NFIB: variants seen among roughly 807,000 people sequenced by gnomAD.
NFIB encodes the protein nuclear factor I B.
Under a neutral mutation model 61.5 loss-of-function variants are expected in NFIB, and 11 were observed. The observed-to-expected ratio is 0.18, with a 90% CI of 0.11 to 0.30. NFIB has a LOEUF of 0.30. NFIB is among the 10% of genes least tolerant of loss of function. The pLI, the probability that NFIB is intolerant of heterozygous loss-of-function variation, is 1.00. For synonymous variants in NFIB, 260 were observed against 216.5 expected, an observed-to-expected ratio of 1.20 and a Z score of -1.76; for missense variants, 471 against 608.9, an observed-to-expected ratio of 0.77 and a Z score of 2.38.
chr9:14,180,088 T>C (rs538945017), intron 2 of NFIB, among the ~76,000 whole-genome samples: 2 of 152,200 alleles, frequency 1.3e-5, no homozygotes, highest in Non-Finnish European at 2.9e-5. Flanking sequence ...GTTAGGCAAA[T>C]ATTGAGGCCT....
chr9:14,388,892 T>C lies in NFIB; in HGVS notation c.108+9632A>G, dbSNP rs556902286. Among the ~76,000 whole-genome samples the C allele has an allele frequency of 1.1e-4, 16 of 152,314 alleles. 1 individual carries two copies. The South Asian group carries it at 3.3e-3, about 32-fold the overall frequency. Reference sequence around the variant, plus strand: ...TAATTAAAAAACAGGAATAACTAGATCAATGGTTTCAAGCCTGGATGTATA... The same window carrying C: ...TAATTAAAAAACAGGAATAACTAGACCAATGGTTTCAAGCCTGGATGTATA... On this transcript the variant is annotated intron_variant, in intron 1 of 8. Transcript: ENST00000380934.
chr9:14,435,175 G>A, the NFIB span, among the ~76,000 whole-genome samples: 27 of 152,328 alleles, frequency 1.8e-4, no homozygotes, highest in South Asian at 4.8e-3. Context: ...GCATTCTCTG[G>A]CCTGAAGAGG....
chr9:14,185,224 T>C (rs1397010758), intron 2 of NFIB, among the ~76,000 whole-genome samples: 2 of 152,130 alleles, frequency 1.3e-5, no homozygotes, highest in African/African-American at 2.4e-5. Flanking sequence ...TCATAAAAGA[T>C]ATCAAAAGAA....
intron 3 of NFIB, among the ~76,000 whole-genome samples, chr9:14,176,136 A>G (rs1022521717): frequency 6.6e-6 from 1 of 152,144 alleles, no homozygotes; most frequent in Non-Finnish European, 1.5e-5. Flanking sequence ...TTAAAGGTAA[A>G]AAGAGATTCA....
chr9:14,279,632 T>C (rs933092015), intron 2 of NFIB, among the ~76,000 whole-genome samples: 10 of 152,318 alleles, frequency 6.6e-5, no homozygotes, highest in Middle Eastern at 6.8e-3. Flanking sequence ...ACCTAAGATA[T>C]TTTCCAGGAT....
intron 1 of NFIB, among the ~76,000 whole-genome samples, chr9:14,394,682 A>G (rs919470827): frequency 5.9e-5 from 9 of 152,192 alleles, no homozygotes; most frequent in South Asian, 2.1e-4. Context: ...CATGTCACCA[A>G]TCATGGGTTG....
At chr9:14,294,242 G>C (rs548263568) in intron 2 of NFIB, among the ~76,000 whole-genome samples, 1 of 152,090 alleles carries the variant, frequency 6.6e-6, no homozygotes, top group African/African-American at 2.4e-5. Context: ...ACTGTAAATA[G>C]AACAGAAATT....
intron 2 of NFIB, among the ~76,000 whole-genome samples, chr9:14,271,334 G>C (rs1221894672): frequency 6.6e-6 from 1 of 151,924 alleles, no homozygotes; most frequent in African/African-American, 2.4e-5. Context: ...ATCTAACTGA[G>C]GCTTTTGTGC....
In NFIB at chr9:14,086,941, G is replaced by C; in HGVS notation, c.*1368C>G. On this transcript the variant is annotated 3_prime_UTR_variant, in exon 11 of 11. Transcript: ENST00000380953. ...GTCTGCCCATGCACACTATGGATCT[G>C]TCAATACAAGAAATTTGTTGAACAA... The C allele has an allele frequency of 4.9e-6, 1 of 203,218 alleles. No homozygotes were observed. Among genetic ancestry groups the C allele is most frequent in the Non-Finnish European group, 1.0e-5 (1 of 98,712 alleles). The allele number at this position is 203,218 out of a possible 1,614,324, so 12.6% of individuals were successfully genotyped here.
intron 4 of NFIB, among the ~76,000 whole-genome samples, chr9:14,154,628 T>C (rs577709129): frequency 6.6e-5 from 10 of 152,264 alleles, no homozygotes; most frequent in African/African-American, 2.4e-4. Context: ...TTTCTTCTCC[T>C]ACACTGCCAC....
rs1479239461 is a variant in NFIB at position 14,388,480 on chromosome 9, AG to A, written c.108+10043del. 4.1e-3 allele frequency among the ~76,000 whole-genome samples: 615 copies of A among 149,438 alleles called. 5 individuals are homozygous for A. The highest frequency in any genetic ancestry group is 0.014 in the African/African-American group (587 of 40,636). ...GAGAGAAAGAAAAAGAGAGAGAGAG[AG>A]AGAAAGAGAGAGAGAGAGAAAGTAA... is the stretch of plus-strand genomic sequence containing the variant. On this transcript the variant is annotated intron_variant, in intron 1 of 8. Coordinates refer to the NFIB transcript ENST00000380934.
At chr9:14,457,269 C>T in the NFIB span, among the ~76,000 whole-genome samples, 3 of 152,280 alleles carry the variant, frequency 2.0e-5, no homozygotes, top group South Asian at 6.2e-4. Flanking sequence ...AGCCTTCGCA[C>T]ATTTTGAATT....
rs34054280 is a variant in NFIB, at chr9:14,083,096, TAAAA to T, written c.*5209_*5212del. 1.7e-5 allele frequency: 3 copies of T among 180,702 alleles called. No homozygotes were observed. The highest frequency in any genetic ancestry group is 2.3e-5 in the Non-Finnish European group (2 of 86,688). The allele number at this position is 180,702 out of a possible 1,614,324, so 11.2% of individuals were successfully genotyped here. A position where few individuals can be genotyped will look rare whatever the true frequency, so the allele number is the denominator to read the frequency against. On this transcript the variant is annotated 3_prime_UTR_variant, in exon 11 of 11. Coordinates refer to ENST00000380953, the MANE Select transcript of NFIB (RefSeq NM_001190737.2). ...ATTAACTAGTGAACCCTTTTATTAT[TAAAA>T]AAAAAAAAAAACTACTTACAACCAT...
At chr9:14,329,631 C>T (rs1300483168) in intron 1 of NFIB, among the ~76,000 whole-genome samples, 1 of 151,928 alleles carries the variant, frequency 6.6e-6, no homozygotes, top group Non-Finnish European at 1.5e-5. Flanking sequence ...TCTTCTGCCT[C>T]AGCCTCCCGA....
chr9:14,438,451 T>G, the NFIB span, among the ~76,000 whole-genome samples: 24 of 152,230 alleles, frequency 1.6e-4, no homozygotes, highest in African/African-American at 5.5e-4. Flanking sequence ...ACAAAATGTT[T>G]TAACAGTTTA....
chr9:14,140,554 A>G (rs2041571238), intron 6 of NFIB, among the ~76,000 whole-genome samples: 2 of 152,204 alleles, frequency 1.3e-5, no homozygotes, highest in African/African-American at 4.8e-5. Context: ...AATAGTTGAA[A>G]TTTTTGTTAC....
chr9:14,474,307 G>T, the NFIB span, among the ~76,000 whole-genome samples: 5 of 152,260 alleles, frequency 3.3e-5, no homozygotes, highest in Non-Finnish European at 7.4e-5. Context: ...CCTTCTTGCT[G>T]TGTAAGAGTC....
At chr9:14,158,538 C>T (rs1469744679) in intron 3 of NFIB, among the ~76,000 whole-genome samples, 1 of 152,178 alleles carries the variant, frequency 6.6e-6, no homozygotes, top group Admixed American at 6.5e-5. Context: ...TTTTGTTCAT[C>T]TCTATATCTT....
chr9:14,089,079 G>A lies in NFIB; in HGVS notation c.1468-753C>T, dbSNP rs577931100. ...TCTGCTTGCACTGATTAGTTCTATA[G>A]CTCTCCAGCAGTTTTCTTATTCTAA... On this transcript the variant is annotated intron_variant, in intron 10 of 10. Coordinates refer to ENST00000380953, the MANE Select transcript of NFIB (RefSeq NM_001190737.2). 2.6e-5 allele frequency among the ~76,000 whole-genome samples: 4 copies of A among 152,136 alleles called. No individual in the cohort carries two copies. In the South Asian group the frequency reaches 8.3e-4, roughly 32 times the overall value.
Sources: gnomAD v4.1 joint callset for allele counts (sites outside exome capture counted in the v4.1 genomes callset) on GRCh38, gnomAD v4.1.1 for gene constraint, MANE v1.5 for transcripts, NCBI Gene and HGNC (gene_info 2026-07-23, HGNC 2026-07-21) for gene names.